The following SUCLA2 variants were observed in gnomAD, a reference collection of about 807,000 sequenced individuals.
SUCLA2 encodes succinate-CoA ligase ADP-forming subunit beta.
Under a neutral mutation model 54.8 loss-of-function variants are expected in SUCLA2, and 30 were observed. The ratio of observed to expected loss-of-function variants is 0.55; its 90% CI spans 0.41 to 0.74. The LOEUF (loss-of-function observed/expected upper bound fraction) is 0.74, where lower values mean the gene tolerates loss of function less well. SUCLA2 is among the 30% of genes least tolerant of loss of function. The pLI is 0.00. For missense variants in SUCLA2, 476 were observed against 562.9 expected (o/e 0.85, Z 1.56); for synonymous variants, 172 against 188.9 (o/e 0.91, Z 0.74).
chr13:47,989,322 T>C (rs558749765), intron 2 of SUCLA2, among the ~76,000 whole-genome samples: 5 of 151,980 alleles, frequency 3.3e-5, no homozygotes, highest in African/African-American at 1.2e-4. Context: ...GCCATTCTCC[T>C]GCCTCAGCCT....
chr13:47,965,896 C>T (rs116846421), intron 6 of SUCLA2, among the ~76,000 whole-genome samples: 1,955 of 152,110 alleles, frequency 0.013, 18 homozygotes, highest in Non-Finnish European at 0.021. Context: ...AAAATACAAA[C>T]AATTAGCCGT....
intron 3 of SUCLA2, 81 bp downstream of exon 3, chr13:47,988,801 T>A: frequency 6.3e-7 from 1 of 1,591,136 alleles, no homozygotes; most frequent in Non-Finnish European, 8.6e-7. Context: ...ATATTTAAAT[T>A]TCAGTATTTT....
At chr13:47,988,196 T>G (rs1435109893) in intron 4 of SUCLA2, 1 of 301,088 alleles carries the variant, frequency 3.3e-6, no homozygotes, top group African/African-American at 2.2e-5. Flanking sequence ...TTCAGCAACT[T>G]TCTCTTTCAT....
intron 10 of SUCLA2, among the ~76,000 whole-genome samples, chr13:47,943,766 G>GTGTGTATATATATATATA (rs1300486540): frequency 9.7e-4 from 136 of 139,652 alleles, no homozygotes; most frequent in Admixed American, 6.0e-3. Flanking sequence ...GTGTGTGTGT[G>GTGTGTATATATATATATA]TATATATATA....
intron 2 of SUCLA2, among the ~76,000 whole-genome samples, chr13:47,989,790 C>T (rs187528066): frequency 1.6e-3 from 249 of 152,108 alleles, no homozygotes; most frequent in Non-Finnish European, 2.9e-3. Context: ...TTATACTGTC[C>T]CACTAAGAGA....
intron 1 of SUCLA2, among the ~76,000 whole-genome samples, chr13:48,000,110 G>T (rs932151672): frequency 6.9e-6 from 1 of 144,674 alleles, no homozygotes; most frequent in Non-Finnish European, 1.5e-5. Context: ...CCCCTAGGCT[G>T]AAAGTATGAA....
chr13:47,949,579 A>C lies in SUCLA2; in HGVS notation c.1132T>G (p.Phe378Val). The C allele has an allele frequency of 6.2e-7, 1 of 1,613,516 alleles. No homozygotes were observed. The highest frequency in any genetic ancestry group is 1.1e-5 in the South Asian group (1 of 91,070). The change falls in exon 9 of 11, where the codon TTT (phenylalanine) becomes GTT (valine). Residue 378 changes from phenylalanine to valine, a missense_variant. Physicochemically the swap from Phe to Val is conservative, Grantham distance 50. This residue lies in a region of SUCLA2 where 342 missense variants were observed against 444.2 expected (regional missense o/e 0.77). Coordinates refer to ENST00000646932, the MANE Select transcript of SUCLA2 (RefSeq NM_003850.3). Reference sequence around the variant, plus strand: ...ACATCACAGCGCATGATTCCTCCAAAAATGTTGACCAGAATAGCCAGTACC... The same window carrying C: ...ACATCACAGCGCATGATTCCTCCAACAATGTTGACCAGAATAGCCAGTACC... ...KKVLAILVNI[F>V]GGIMRCDVIA...
At chr13:47,968,490 A>C (rs1949936611) in intron 6 of SUCLA2, 105 bp downstream of exon 6, 1 of 1,310,808 alleles carries the variant, frequency 7.6e-7, no homozygotes, top group East Asian at 2.3e-5. Flanking sequence ...AAGCTTCTAC[A>C]TAGGTAGAAG....
intron 9 of SUCLA2, 87 bp from the exon 10 acceptor site, chr13:47,949,115 A>T: frequency 7.7e-7 from 1 of 1,297,678 alleles, no homozygotes; most frequent in Non-Finnish European, 1.1e-6. Context: ...TATAAGAATA[A>T]AACCTCAACA....
chr13:47,972,331 T>A (rs531552785), intron 5 of SUCLA2, among the ~76,000 whole-genome samples: 22 of 151,870 alleles, frequency 1.4e-4, no homozygotes, highest in Admixed American at 1.3e-4. Flanking sequence ...AAAAATTGAT[T>A]TGAAACAACT....
At chr13:47,982,987 G>A (rs1950071207) in intron 4 of SUCLA2, among the ~76,000 whole-genome samples, 1 of 152,142 alleles carries the variant, frequency 6.6e-6, no homozygotes, top group Non-Finnish European at 1.5e-5. Flanking sequence ...AGTCAGAAAT[G>A]AGGGTAACCT....
chr13:47,981,593 G>C (rs1179650112), intron 4 of SUCLA2, among the ~76,000 whole-genome samples: 1 of 152,202 alleles, frequency 6.6e-6, no homozygotes, highest in East Asian at 1.9e-4. Flanking sequence ...AAAGCAGGCA[G>C]AACACCTGAA....
chr13:47,984,557 T>G (rs1029615809), intron 4 of SUCLA2, among the ~76,000 whole-genome samples: 2 of 152,078 alleles, frequency 1.3e-5, no homozygotes, highest in Non-Finnish European at 2.9e-5. Context: ...TTTTTTTAAA[T>G]TTGCCTTAAA....
At position 47,984,086 on chromosome 13, in the gene SUCLA2, G is replaced by A. The variant is rs1023514315; in HGVS notation, c.534+4455C>T. Among the ~76,000 whole-genome samples, 8 of 152,204 alleles carry A rather than the reference G, an allele frequency of 5.3e-5. No individual in the cohort carries two copies. The East Asian group carries it at 1.5e-3, about 29-fold the overall frequency. ...ACTGTAGAATGAATAGCTATTTCATGTTCAAACGACTTGGCTTCACTTTTA... is the reference window on the plus strand; with the variant it reads ...ACTGTAGAATGAATAGCTATTTCATATTCAAACGACTTGGCTTCACTTTTA... On this transcript the variant is annotated intron_variant, in intron 4 of 10. Coordinates refer to ENST00000646932, the MANE Select transcript of SUCLA2 (RefSeq NM_003850.3).
intron 4 of SUCLA2, among the ~76,000 whole-genome samples, chr13:47,983,759 G>A (rs1387722296): frequency 6.6e-6 from 1 of 152,102 alleles, no homozygotes; most frequent in Non-Finnish European, 1.5e-5. Context: ...AAAGTGCTGG[G>A]ATTACAGGTG....
intron 4 of SUCLA2, among the ~76,000 whole-genome samples, chr13:47,979,903 ACT>A (rs1239651374): frequency 1.3e-5 from 2 of 152,224 alleles, no homozygotes; most frequent in Admixed American, 6.5e-5. Flanking sequence ...CACAAAAAAA[ACT>A]CTTAGAATAA....
intron 4 of SUCLA2, among the ~76,000 whole-genome samples, chr13:47,985,839 T>C (rs768021222): frequency 3.3e-5 from 5 of 152,168 alleles, no homozygotes; most frequent in Non-Finnish European, 5.9e-5. Flanking sequence ...GTTGAACTAA[T>C]TTACACTCCC....
At chr13:47,981,903 T>C (rs141583708) in intron 4 of SUCLA2, among the ~76,000 whole-genome samples, 159 of 152,092 alleles carry the variant, frequency 1.0e-3, no homozygotes, top group African/African-American at 3.7e-3. Flanking sequence ...AAGAATCACT[T>C]GATCCCGGGA....
At chr13:47,945,078 C>T (rs997337045) in intron 10 of SUCLA2, among the ~76,000 whole-genome samples, 11 of 151,610 alleles carry the variant, frequency 7.3e-5, no homozygotes, top group South Asian at 2.1e-4. Flanking sequence ...GGTGAAACCG[C>T]ATCTCTACTA....
Sources: gnomAD v4.1 joint callset for allele counts (sites outside exome capture counted in the v4.1 genomes callset) on GRCh38, gnomAD v4.1.1 for gene constraint, gnomAD v4.1.1 regional missense constraint, MANE v1.5 for transcripts, NCBI Gene and HGNC (gene_info 2026-07-23, HGNC 2026-07-21) for gene names.